The following IL15 variants were observed in gnomAD, a reference collection of about 807,000 sequenced individuals.
The protein encoded by IL15 is interleukin 15.
A neutral mutation model predicts 19.6 loss-of-function variants in IL15; 11 were observed. The ratio of observed to expected loss-of-function variants is 0.56; its 90% CI spans 0.35 to 0.93. The LOEUF (loss-of-function observed/expected upper bound fraction) is 0.93. IL15 is among the 40% of genes least tolerant of loss of function. The probability of loss-of-function intolerance (pLI) is 0.01; values close to 1 mark genes in which losing one functional copy is unlikely to be tolerated. For synonymous variants in IL15, 58 were observed against 59.6 expected, an observed-to-expected ratio of 0.97 and a Z score of 0.12; for missense variants, 197 against 186.5, an observed-to-expected ratio of 1.06 and a Z score of -0.33.
intron 7 of IL15, among the ~76,000 whole-genome samples, chr4:141,730,498 A>T (rs1410696315): frequency 7.2e-5 from 11 of 152,182 alleles, no homozygotes; most frequent in Non-Finnish European, 1.2e-4. Flanking sequence ...CACTCGCTTC[A>T]GTTCATACAG....
intron 2 of IL15, among the ~76,000 whole-genome samples, chr4:141,678,603 T>C (rs1728431611): frequency 8.5e-6 from 1 of 118,140 alleles, no homozygotes; most frequent in Admixed American, 1.0e-4. Flanking sequence ...GTGATTTCGT[T>C]GATTTTTTTT....
intron 2 of IL15, among the ~76,000 whole-genome samples, chr4:141,664,391 A>ACAC (rs1560907796): frequency 1.4e-5 from 2 of 147,534 alleles, no homozygotes; most frequent in East Asian, 2.0e-4. Context: ...ACACACACAC[A>ACAC]AAACCAACAA....
chr4:141,683,421 A>G (rs1728604029), intron 2 of IL15, among the ~76,000 whole-genome samples: 1 of 151,794 alleles, frequency 6.6e-6, no homozygotes, highest in Non-Finnish European at 1.5e-5. Context: ...AATACAAAAA[A>G]TTAGCCTGGC....
chr4:141,656,736 T>A (rs1727617460), intron 2 of IL15, among the ~76,000 whole-genome samples: 1 of 152,228 alleles, frequency 6.6e-6, no homozygotes, highest in South Asian at 2.1e-4. Context: ...ATGACAGAAT[T>A]GTGCATATCA....
chr4:141,721,060 T>G, intron 4 of IL15: 1 of 1,105,622 alleles, frequency 9.0e-7, no homozygotes, highest in East Asian at 2.5e-5. Context: ...CTCTCTTAGA[T>G]GCAGCTAATA....
At position 141,639,453 on chromosome 4, in the gene IL15, A is replaced by C. The variant is rs541058464; in HGVS notation, c.-222+2705A>C. ...TTGGTATATTGGAGAAATTTCCTTTATGGTCCCTGAATGAAAACATTTGTC... is the reference window on the plus strand; with the variant it reads ...TTGGTATATTGGAGAAATTTCCTTTCTGGTCCCTGAATGAAAACATTTGTC... On this transcript the variant is annotated intron_variant, in intron 1 of 7. Transcript: ENST00000320650. Among the ~76,000 whole-genome samples, 6 of 152,316 alleles carry C rather than the reference A, an allele frequency of 3.9e-5. No individual in the cohort carries two copies. The East Asian group carries it at 1.2e-3, about 29-fold the overall frequency.
At chr4:141,698,408 G>A (rs1425542423) in intron 2 of IL15, among the ~76,000 whole-genome samples, 3 of 151,742 alleles carry the variant, frequency 2.0e-5, no homozygotes, top group African/African-American at 7.3e-5. Context: ...AGTAGGATTG[G>A]TACCAATTCT....
At chr4:141,694,958 T>C (rs1008535601) in intron 2 of IL15, among the ~76,000 whole-genome samples, 11 of 152,276 alleles carry the variant, frequency 7.2e-5, no homozygotes, top group Admixed American at 2.0e-4. Flanking sequence ...CATCAGAATA[T>C]ACCCCTCTCT....
intron 2 of IL15, among the ~76,000 whole-genome samples, chr4:141,701,272 T>C (rs1041650191): frequency 2.0e-5 from 3 of 152,020 alleles, no homozygotes; most frequent in Admixed American, 6.5e-5. Context: ...AATTTATTTT[T>C]GATGGGACTG....
At chr4:141,713,276 G>C (rs1729768266) in intron 2 of IL15, among the ~76,000 whole-genome samples, 1 of 152,186 alleles carries the variant, frequency 6.6e-6, no homozygotes, top group Non-Finnish European at 1.5e-5. Flanking sequence ...TAGGACTGAA[G>C]AGATCTGTAG....
intron 2 of IL15, among the ~76,000 whole-genome samples, chr4:141,663,842 A>C (rs1056412985): frequency 2.3e-4 from 35 of 152,302 alleles, no homozygotes; most frequent in Admixed American, 2.3e-3. Flanking sequence ...TCCTTGGGGA[A>C]GAATGAGGCT....
chr4:141,658,934 A>G (rs1307726300), intron 2 of IL15, among the ~76,000 whole-genome samples: 2 of 149,686 alleles, frequency 1.3e-5, no homozygotes, highest in African/African-American at 4.9e-5. Context: ...ATCTCGGCTC[A>G]CTGCAAGCTC....
At chr4:141,722,195 C>T (rs561783942) in intron 5 of IL15, among the ~76,000 whole-genome samples, 187 bp downstream of exon 5, 3 of 152,140 alleles carry the variant, frequency 2.0e-5, no homozygotes, top group Non-Finnish European at 2.9e-5. Flanking sequence ...ATCTTTAAAA[C>T]GTAATTTATA....
intron 2 of IL15, among the ~76,000 whole-genome samples, chr4:141,681,105 T>C (rs549716305): frequency 6.6e-6 from 1 of 152,312 alleles, no homozygotes; most frequent in African/African-American, 2.4e-5. Context: ...GACTCATTAA[T>C]GGTCCTCTTT....
chr4:141,648,476 A>G (rs1020042269), intron 1 of IL15, among the ~76,000 whole-genome samples: 3 of 152,026 alleles, frequency 2.0e-5, no homozygotes, highest in Admixed American at 6.6e-5. Flanking sequence ...GTATTTTGAG[A>G]AGTTATTTCA....
chr4:141,677,692 CCTT>C (rs1297219195), intron 2 of IL15, among the ~76,000 whole-genome samples: 1 of 152,176 alleles, frequency 6.6e-6, no homozygotes, highest in Non-Finnish European at 1.5e-5. Context: ...CATGTTGAAA[CCTT>C]CTTATGATTT....
chr4:141,663,164 G>A (rs1017160218), intron 2 of IL15, among the ~76,000 whole-genome samples: 13 of 151,990 alleles, frequency 8.6e-5, no homozygotes, highest in African/African-American at 3.1e-4. Context: ...AATTTCTATA[G>A]ATGCTGAATA....
intron 7 of IL15, among the ~76,000 whole-genome samples, chr4:141,732,109 CA>C (rs1175062351): frequency 6.6e-6 from 1 of 152,046 alleles, no homozygotes; most frequent in East Asian, 1.9e-4. Flanking sequence ...GAATACATGA[CA>C]TATTGTGAGA....
chr4:141,646,450 C>G (rs990851), intron 1 of IL15, among the ~76,000 whole-genome samples: 108,802 of 151,884 alleles, frequency 0.72, 39,404 homozygotes, highest in East Asian at 0.99. Flanking sequence ...GATATCACCC[C>G]CTTCCCCATA....
Sources: gnomAD v4.1 joint callset for allele counts (sites outside exome capture counted in the v4.1 genomes callset) on GRCh38, gnomAD v4.1.1 for gene constraint, MANE v1.5 for transcripts, NCBI Gene and HGNC (gene_info 2026-07-23, HGNC 2026-07-21) for gene names.